RMST: variants seen among roughly 807,000 people sequenced by gnomAD.
The protein encoded by RMST is rhabdomyosarcoma 2 associated transcript.
intron 5 of RMST, among the ~76,000 whole-genome samples, chr12:97,483,882 G>A (rs1593151834): frequency 6.6e-6 from 1 of 152,248 alleles, no homozygotes; most frequent in East Asian, 1.9e-4. Context: ...CCTAATGTAT[G>A]TAATGTATCA....
chr12:97,537,635 T>C (rs1272727562), intron 11 of RMST, among the ~76,000 whole-genome samples: 7 of 151,436 alleles, frequency 4.6e-5, no homozygotes, highest in African/African-American at 9.7e-5. Flanking sequence ...CAAATTACCA[T>C]GTGCAAACAG....
chr12:97,561,737 C>T (rs1884126797), intron 13 of RMST, among the ~76,000 whole-genome samples: 1 of 145,420 alleles, frequency 6.9e-6, no homozygotes, highest in African/African-American at 2.5e-5. Flanking sequence ...GGTCTACTCC[C>T]AGTAGCCCAC....
At chr12:97,480,937 T>A (rs780218846) in intron 5 of RMST, among the ~76,000 whole-genome samples, 4 of 152,166 alleles carry the variant, frequency 2.6e-5, no homozygotes, top group Admixed American at 1.3e-4. Flanking sequence ...ACCCCGTACA[T>A]AATCCAGTCA....
intron 4 of RMST, among the ~76,000 whole-genome samples, chr12:97,464,196 T>C (rs1185247578): frequency 6.6e-6 from 1 of 152,190 alleles, no homozygotes; most frequent in Non-Finnish European, 1.5e-5. Flanking sequence ...GGAGGTTAAG[T>C]GATTTTTATG....
intron 13 of RMST, among the ~76,000 whole-genome samples, chr12:97,561,330 G>A (rs1033894729): frequency 6.6e-6 from 1 of 152,170 alleles, no homozygotes; most frequent in African/African-American, 2.4e-5. Flanking sequence ...TGCATGTCCA[G>A]TAGTTTATGT....
intron 10 of RMST, among the ~76,000 whole-genome samples, chr12:97,528,525 A>G (rs768479100): frequency 6.6e-5 from 10 of 152,162 alleles, no homozygotes; most frequent in Non-Finnish European, 1.0e-4. Context: ...GACTCATTCT[A>G]ACTCCCTGAA....
At chr12:97,474,211 G>A (rs1874255894) in intron 5 of RMST, among the ~76,000 whole-genome samples, 2 of 152,056 alleles carry the variant, frequency 1.3e-5, no homozygotes, top group African/African-American at 4.8e-5. Flanking sequence ...CAGAAAGAAG[G>A]CTGCTTAATA....
intron 5 of RMST, among the ~76,000 whole-genome samples, chr12:97,469,637 C>T (rs144156414): frequency 2.0e-5 from 3 of 149,392 alleles, no homozygotes; most frequent in African/African-American, 7.3e-5. Flanking sequence ...TAACGAGCAG[C>T]TGAGATGACT....
At chr12:97,531,296 AT>A (rs1565933127) in intron 11 of RMST, among the ~76,000 whole-genome samples, 1 of 152,000 alleles carries the variant, frequency 6.6e-6, no homozygotes. Context: ...TAGAGGTTCT[AT>A]TTTCGTTTCA....
At chr12:97,512,958 A>C (rs1402367677) in intron 10 of RMST, among the ~76,000 whole-genome samples, 1 of 152,334 alleles carries the variant, frequency 6.6e-6, no homozygotes, top group East Asian at 1.9e-4. Flanking sequence ...GCCAGGTGAG[A>C]AATTGAGCAC....
intron 5 of RMST, among the ~76,000 whole-genome samples, chr12:97,488,679 T>C (rs1012606038): frequency 1.3e-5 from 2 of 152,174 alleles, no homozygotes; most frequent in Non-Finnish European, 2.9e-5. Flanking sequence ...GAATAGCTTC[T>C]GGGCCTCTGG....
intron 10 of RMST, among the ~76,000 whole-genome samples, chr12:97,499,540 C>G (rs1877830804): frequency 6.6e-6 from 1 of 151,970 alleles, no homozygotes; most frequent in Non-Finnish European, 1.5e-5. Context: ...AAGGCTCTGC[C>G]CATAGTATTG....
intron 13 of RMST, among the ~76,000 whole-genome samples, chr12:97,561,482 C>G (rs1481793100): frequency 6.6e-6 from 1 of 151,980 alleles, no homozygotes; most frequent in African/African-American, 2.4e-5. Flanking sequence ...CGTGTCACAT[C>G]ATGATTAATG....
chr12:97,518,226 A>C (rs2136541106), intron 10 of RMST, among the ~76,000 whole-genome samples: 1 of 152,288 alleles, frequency 6.6e-6, no homozygotes, highest in South Asian at 2.1e-4. Context: ...TGGAATACTG[A>C]TACATAGAAA....
At chr12:97,536,930 C>T (rs1447274991) in intron 11 of RMST, among the ~76,000 whole-genome samples, 5 of 151,116 alleles carry the variant, frequency 3.3e-5, no homozygotes, top group Non-Finnish European at 5.9e-5. Flanking sequence ...TTTTCTGAAC[C>T]GATTAAAATA....
chr12:97,507,299 G>C (rs1469674847), intron 10 of RMST, among the ~76,000 whole-genome samples: 1 of 134,994 alleles, frequency 7.4e-6, no homozygotes, highest in African/African-American at 3.1e-5. Context: ...AAAAAAAAAA[G>C]ATGGCTAACT....
chr12:97,555,599 G>A (rs1565939573), intron 11 of RMST, among the ~76,000 whole-genome samples: 1 of 152,156 alleles, frequency 6.6e-6, no homozygotes, highest in Admixed American at 6.5e-5. Flanking sequence ...GGCGAGATTC[G>A]GAATTGTTCA....
intron 5 of RMST, among the ~76,000 whole-genome samples, chr12:97,489,997 A>G (rs1876590747): frequency 6.6e-6 from 1 of 152,230 alleles, no homozygotes; most frequent in African/African-American, 2.4e-5. Flanking sequence ...ACATTTAGGT[A>G]CATGCTCTAT....
In RMST at chr12:97,464,099, T is replaced by C. The variant is rs115976008; in HGVS notation, n.584+810T>C. On this transcript the variant is annotated intron_variant and non_coding_transcript_variant, in intron 4 of 13. Coordinates refer to ENST00000640149, the Ensembl canonical transcript of RMST. The stretch of plus-strand genomic sequence containing the variant: ...AAAAAAACTCAGCAGATATTTATAG[T>C]GAAACATTGCTGGCATGAACAAAGA... Among the ~76,000 whole-genome samples the C allele has an allele frequency of 5.0e-3, 757 of 152,318 alleles. 6 individuals are homozygous for C. The highest frequency in any genetic ancestry group is 0.02 in the Middle Eastern group (6 of 294).
Sources: gnomAD v4.1 joint callset for allele counts (sites outside exome capture counted in the v4.1 genomes callset) on GRCh38, gnomAD v4.1.1 for gene constraint, MANE v1.5 for transcripts, NCBI Gene and HGNC (gene_info 2026-07-23, HGNC 2026-07-21) for gene names.